The following PYROXD2 variants were observed in gnomAD, a reference collection of about 807,000 sequenced individuals.
PYROXD2 encodes pyridine nucleotide-disulfide oxidoreductase domain-containing protein 2.
PYROXD2 carries 69 observed loss-of-function variants against 71.1 expected under a neutral mutation model. The ratio of observed to expected loss-of-function variants is 0.97; its 90% CI spans 0.80 to 1.19. PYROXD2 has a LOEUF of 1.19. Among genes scored for constraint, PYROXD2 ranks in the 50% most tolerant of loss-of-function variants. The pLI, the probability that PYROXD2 is intolerant of heterozygous loss-of-function variation, is 0.00. For synonymous variants in PYROXD2, 287 were observed against 302.7 expected (o/e 0.95, Z 0.54); for missense variants, 745 against 748.9 (o/e 0.99, Z 0.06).
chr10:98,396,124 TAA>T (rs1843167100), intron 6 of PYROXD2, among the ~76,000 whole-genome samples: 1 of 152,254 alleles, frequency 6.6e-6, no homozygotes, highest in Non-Finnish European at 1.5e-5. Flanking sequence ...TTGCAATGTA[TAA>T]GTCTGCAGTG....
Position 98,395,276 on chromosome 10 carries a change from G to C in PYROXD2, c.705C>G (p.Phe235Leu), listed in dbSNP as rs200279130. 2 of 1,614,116 alleles carry C rather than the reference G, an allele frequency of 1.2e-6. No individual in the cohort carries two copies. The highest frequency in any genetic ancestry group is 1.7e-5 in the Admixed American group (1 of 60,018). ...GAGTGGCTTTTAAAGGCTCAGACTC[G>C]AACCACTGATCCAGCACCTGGACAG... The part of the protein sequence containing the change: ...APITKVLDQW[F>L]ESEPLKATLA... The change falls in exon 8 of 16, where the codon TTC becomes TTG. Residue 235 changes from phenylalanine to leucine, a missense_variant. By Grantham distance (22) the Phe-to-Leu change is conservative. Coordinates refer to ENST00000370575, the MANE Select transcript of PYROXD2 (RefSeq NM_032709.3).
At chr10:98,407,030 G>A (rs747234690) in intron 4 of PYROXD2, among the ~76,000 whole-genome samples, 10 of 150,948 alleles carry the variant, frequency 6.6e-5, no homozygotes, top group Non-Finnish European at 8.8e-5. Context: ...GTGGTGACGC[G>A]GTTTATAAGA....
chr10:98,401,252 T>G (rs1337618305), intron 4 of PYROXD2, among the ~76,000 whole-genome samples: 1 of 52,508 alleles, frequency 1.9e-5, no homozygotes, highest in East Asian at 5.4e-4. Flanking sequence ...AGACTCTGTC[T>G]CAAAAAAAAA....
chr10:98,406,694 C>T (rs1843606926), intron 4 of PYROXD2, among the ~76,000 whole-genome samples: 1 of 151,908 alleles, frequency 6.6e-6, no homozygotes, highest in South Asian at 2.1e-4. Context: ...GAGATCAAGA[C>T]CATCCCGGCT....
intron 1 of PYROXD2, chr10:98,414,206 C>A (rs1373791908): frequency 6.6e-6 from 1 of 152,068 alleles, no homozygotes; most frequent in African/African-American, 2.4e-5. Context: ...TGAAGGCATG[C>A]CCTCAAAGCT....
At chr10:98,390,254 G>A (rs1399568886) in intron 12 of PYROXD2, among the ~76,000 whole-genome samples, 1 of 152,198 alleles carries the variant, frequency 6.6e-6, no homozygotes. Flanking sequence ...AGGGGACTCG[G>A]TGAGTGCGTG....
At position 98,395,465 on chromosome 10, in the gene PYROXD2, A is replaced by T. The variant is rs909055181; in HGVS notation, c.626-13T>A. 1.2e-6 allele frequency: 2 copies of T among 1,613,378 alleles called. No homozygotes were observed. The highest frequency in any genetic ancestry group is 1.3e-5 in the African/African-American group (1 of 74,918). ...CCCAGGATGCGGCCTACAAGAGAAG[A>T]TCCACAAAACAGAAGTTGAAACAGG... is the stretch of plus-strand genomic sequence containing the variant. On this transcript the variant is annotated splice_polypyrimidine_tract_variant and intron_variant, in intron 6 of 15. Transcript: ENST00000370575.
At chr10:98,387,876 C>T (rs979933487) in intron 13 of PYROXD2, 15 of 184,878 alleles carry the variant, frequency 8.1e-5, no homozygotes, top group South Asian at 5.0e-4. Flanking sequence ...TCGGGTGATC[C>T]GCCTGCCTCG....
intron 8 of PYROXD2, among the ~76,000 whole-genome samples, chr10:98,393,775 C>T (rs755249102): frequency 5.4e-4 from 82 of 152,132 alleles, no homozygotes; most frequent in African/African-American, 1.1e-3. Context: ...CAAGCCTCCC[C>T]GGCTTGGCAC....
chr10:98,401,526 A>G (rs1455400772), intron 4 of PYROXD2, among the ~76,000 whole-genome samples: 2 of 152,230 alleles, frequency 1.3e-5, no homozygotes, highest in African/African-American at 4.8e-5. Context: ...TTTAAACTTT[A>G]TAAACATTTT....
At chr10:98,413,425 AAAG>A (rs368624182) in intron 1 of PYROXD2, among the ~76,000 whole-genome samples, 31 of 152,344 alleles carry the variant, frequency 2.0e-4, no homozygotes, top group African/African-American at 6.7e-4. Flanking sequence ...CCTGTCATTT[AAAG>A]AAGGAGGCCG....
Position 98,400,243 on chromosome 10 carries a change from C to T in PYROXD2, c.330G>A (p.Arg110=). ...AGGAGTAGGGGTTTCGAAGATGAAG[C>T]CTCAGCCCATGTTTCTGCAAAACAC... is the stretch of plus-strand genomic sequence containing the variant. ...TDLELKKHGL[R]LHLRNPYSFT... is the part of the protein sequence containing the mutation. Residue 110 remains arginine (R), a synonymous_variant, in exon 5 of 16, where the codon AGG becomes AGA. Transcript: ENST00000370575. 6.2e-7 allele frequency: 1 copy of T among 1,611,278 alleles called. No homozygotes were observed. The highest frequency in any genetic ancestry group is 8.5e-7 in the Non-Finnish European group (1 of 1,178,308).
At chr10:98,403,640 C>T (rs1309768706) in intron 4 of PYROXD2, among the ~76,000 whole-genome samples, 1 of 152,238 alleles carries the variant, frequency 6.6e-6, no homozygotes, top group Non-Finnish European at 1.5e-5. Context: ...TAGATGTCCA[C>T]ATGGCTGCTG....
At chr10:98,395,319 G>C (rs1229634480) in intron 7 of PYROXD2, 26 bp from the exon 8 acceptor site, 1 of 1,613,866 alleles carries the variant, frequency 6.2e-7, no homozygotes, top group Admixed American at 1.7e-5. Context: ...GCAGAGAGAA[G>C]GGCTTAGGAG....
In PYROXD2 at chr10:98,411,743, C is replaced by A. The variant is rs1161131215; in HGVS notation, c.128-785G>T. 2 of 152,142 alleles carry A rather than the reference C, an allele frequency of 1.3e-5. 1 individual carries two copies. The highest frequency in any genetic ancestry group is 6.3e-3 in the Middle Eastern group (2 of 316). 9.4% of individuals were successfully genotyped at this position (152,142 alleles called of 1,614,324 possible). A position where few individuals can be genotyped will look rare whatever the true frequency, so the allele number is the denominator to read the frequency against. ...TTGTATAAATGTCGACTCCCACAGA[C>A]CCCCTTCCCAGGAGTCTGTTCAGCA... On this transcript the variant is annotated intron_variant, in intron 1 of 15. Transcript: ENST00000370575.
At position 98,412,352 on chromosome 10, in the gene PYROXD2, G is replaced by T. The variant is rs78451160; in HGVS notation, c.128-1394C>A. Among the ~76,000 whole-genome samples, 581 of 152,268 alleles carry T rather than the reference G, an allele frequency of 3.8e-3. 3 individuals are homozygous for T. Among genetic ancestry groups the T allele is most frequent in the Middle Eastern group, 0.02 (6 of 294 alleles). ...TGTTCCCTTGAAGAGGACTTCAGCTGCGGGCTCTGCTAATCCCCAGACCTG... is the reference window on the plus strand; with the variant it reads ...TGTTCCCTTGAAGAGGACTTCAGCTTCGGGCTCTGCTAATCCCCAGACCTG... On this transcript the variant is annotated intron_variant, in intron 1 of 15. Coordinates refer to ENST00000370575, the MANE Select transcript of PYROXD2 (RefSeq NM_032709.3).
intron 6 of PYROXD2, 118 bp downstream of exon 6, chr10:98,397,227 A>G: frequency 2.9e-6 from 4 of 1,369,624 alleles, no homozygotes; most frequent in Non-Finnish European, 3.9e-6. Context: ...GCAGCATGTT[A>G]ACTGATCCCA....
At position 98,392,444 on chromosome 10, in the gene PYROXD2, C is replaced by T. The variant is rs747490150; in HGVS notation, c.1050G>A (p.Lys350=). The part of the protein sequence containing the change: ...SNTSPQITFL[K]LTPQEWLPEE... ...CCCACAGCCTCACCTGTGGCGTCAGCTTCAGGAAGGTGATCTGCGGTGATG... is the reference window on the plus strand; with the variant it reads ...CCCACAGCCTCACCTGTGGCGTCAGTTTCAGGAAGGTGATCTGCGGTGATG... The change falls in exon 10 of 16, where the codon AAG becomes AAA. Residue 350 remains lysine, a synonymous_variant. Coordinates refer to ENST00000370575, the MANE Select transcript of PYROXD2 (RefSeq NM_032709.3). The T allele has an allele frequency of 6.2e-7, 1 of 1,613,704 alleles. No homozygotes were observed. The highest frequency in any genetic ancestry group is 1.7e-5 in the Admixed American group (1 of 60,016).
intron 8 of PYROXD2, among the ~76,000 whole-genome samples, chr10:98,393,463 C>T (rs959941259): frequency 2.0e-5 from 3 of 152,148 alleles, no homozygotes; most frequent in Non-Finnish European, 4.4e-5. Flanking sequence ...TTCAATCTTT[C>T]CCATCCCAGT....
Sources: allele counts gnomAD v4.1 joint callset (sites outside exome capture counted in the v4.1 genomes callset), GRCh38; gene constraint gnomAD v4.1.1; transcripts MANE v1.5; gene names NCBI Gene and HGNC (gene_info 2026-07-23, HGNC 2026-07-21).